Variants in CACNG5 observed in about 807,000 individuals in gnomAD.
The protein encoded by CACNG5 is voltage-dependent calcium channel gamma-5 subunit.
A neutral mutation model predicts 24.8 loss-of-function variants in CACNG5; 18 were observed. That is an observed-to-expected ratio of 0.73 (90% CI 0.50 to 1.08). The LOEUF is 1.08. Ranked by LOEUF, CACNG5 falls within the 50% of genes least tolerant of loss-of-function variation. The probability of loss-of-function intolerance (pLI) is 0.00; values close to 1 mark genes in which losing one functional copy is unlikely to be tolerated. For missense variants in CACNG5, 349 were observed against 367.9 expected (o/e 0.95, Z 0.42); for synonymous variants, 157 against 149.1 (o/e 1.05, Z -0.39).
At chr17:66,843,049 C>T (rs1194912990) in intron 1 of CACNG5, among the ~76,000 whole-genome samples, 4 of 152,224 alleles carry the variant, frequency 2.6e-5, no homozygotes, top group Admixed American at 1.3e-4. Context: ...TAATAACTCC[C>T]ACCACTTTGG....
chr17:66,862,890 C>CTGTG (rs1568067061), intron 1 of CACNG5, among the ~76,000 whole-genome samples: 5 of 85,106 alleles, frequency 5.9e-5, no homozygotes, highest in Middle Eastern at 4.5e-3. Flanking sequence ...CCAGCATATT[C>CTGTG]TCTGTGTGTG....
chr17:66,843,127 A>G (rs1424054742), intron 1 of CACNG5, among the ~76,000 whole-genome samples: 2 of 152,188 alleles, frequency 1.3e-5, no homozygotes, highest in Non-Finnish European at 2.9e-5. Flanking sequence ...ATCTTGGTTG[A>G]GGGTATTATG....
chr17:66,887,415 C>T lies in CACNG5; in HGVS notation c.*2175C>T, dbSNP rs1348281726. Among the ~76,000 whole-genome samples the T allele has an allele frequency of 1.3e-5, 2 of 152,066 alleles. No homozygotes were observed. The highest frequency in any genetic ancestry group is 2.4e-5 in the African/African-American group (1 of 41,384). On this transcript the variant is annotated 3_prime_UTR_variant, in exon 6 of 6. Coordinates refer to ENST00000533854, the MANE Select transcript of CACNG5 (RefSeq NM_145811.3). ...AACTGATAGCAACTGCAAGGCCCCC[C>T]TCCCTCTCCACTGGCACCCTTGCAA... is the stretch of plus-strand genomic sequence containing the variant.
chr17:66,877,045 G>A (rs1484758703), intron 1 of CACNG5, among the ~76,000 whole-genome samples, 185 bp from the exon 2 acceptor site: 4 of 152,198 alleles, frequency 2.6e-5, no homozygotes, highest in Non-Finnish European at 5.9e-5. Flanking sequence ...GACTCCCAGA[G>A]AGGACAAGGG....
chr17:66,871,480 C>T (rs1044314167), intron 1 of CACNG5, among the ~76,000 whole-genome samples: 2 of 152,192 alleles, frequency 1.3e-5, no homozygotes, highest in African/African-American at 4.8e-5. Flanking sequence ...TCTAACCTCA[C>T]CTACCTCTGG....
intron 1 of CACNG5, among the ~76,000 whole-genome samples, chr17:66,845,461 T>TAA (rs113767708): frequency 0.12 from 18,152 of 147,538 alleles, 1,371 homozygotes; most frequent in African/African-American, 0.2. Flanking sequence ...AAGTAAAATT[T>TAA]AAAAAAAAAA....
intron 1 of CACNG5, among the ~76,000 whole-genome samples, chr17:66,837,246 C>T (rs372181446): frequency 6.6e-6 from 1 of 152,168 alleles, no homozygotes; most frequent in East Asian, 1.9e-4. Flanking sequence ...AGCTAGGATC[C>T]CTCATGCCAT....
chr17:66,872,319 C>G (rs1401199490), intron 1 of CACNG5, among the ~76,000 whole-genome samples: 1 of 152,080 alleles, frequency 6.6e-6, no homozygotes, highest in African/African-American at 2.4e-5. Flanking sequence ...ATCAAATGAA[C>G]ATGAGATTCA....
intron 4 of CACNG5, 69 bp from the exon 5 acceptor site, chr17:66,884,447 T>C: frequency 6.6e-7 from 1 of 1,506,976 alleles, no homozygotes; most frequent in Non-Finnish European, 8.9e-7. Flanking sequence ...CAAAGGGAGG[T>C]GGGTGCCACC....
chr17:66,860,274 C>T (rs1163403580), intron 1 of CACNG5, among the ~76,000 whole-genome samples: 1 of 152,172 alleles, frequency 6.6e-6, no homozygotes, highest in African/African-American at 2.4e-5. Context: ...TTCTGTGTCC[C>T]AACCTCCTTA....
At chr17:66,869,351 T>C (rs1368129139) in intron 1 of CACNG5, among the ~76,000 whole-genome samples, 1 of 152,228 alleles carries the variant, frequency 6.6e-6, no homozygotes, top group East Asian at 1.9e-4. Context: ...CTCAAAGTTC[T>C]GGGATTACAG....
intron 1 of CACNG5, among the ~76,000 whole-genome samples, chr17:66,840,983 T>G (rs1379827143): frequency 6.6e-6 from 1 of 152,218 alleles, no homozygotes; most frequent in Non-Finnish European, 1.5e-5. Context: ...GGGCAGGCCC[T>G]GTGAACCTCA....
chr17:66,861,047 C>T (rs1170782887), intron 1 of CACNG5, among the ~76,000 whole-genome samples: 3 of 142,616 alleles, frequency 2.1e-5, no homozygotes, highest in African/African-American at 7.6e-5. Flanking sequence ...ACACACACAC[C>T]AGAAGTATAA....
chr17:66,880,247 G>A (rs919064091), intron 3 of CACNG5, among the ~76,000 whole-genome samples: 6 of 152,234 alleles, frequency 3.9e-5, no homozygotes, highest in African/African-American at 1.4e-4. Context: ...TTTGCAGGTG[G>A]TATGGACTCC....
rs966273119 is a variant in CACNG5 at position 66,893,852 on chromosome 17, G to GA, written c.*8621dup. Among the ~76,000 whole-genome samples, 7 of 150,688 alleles carry GA rather than the reference G, an allele frequency of 4.6e-5. No individual in the cohort carries two copies. Among genetic ancestry groups the GA allele is most frequent in the Admixed American group, 6.6e-5 (1 of 15,166 alleles). On this transcript the variant is annotated 3_prime_UTR_variant, in exon 6 of 6. Transcript: ENST00000533854. ...AGTTGATGGGTGTGTGGGGTGCAAA[G>GA]AAAAAAAAAGTGAAGTGAGAATAAA...
intron 1 of CACNG5, among the ~76,000 whole-genome samples, chr17:66,862,852 A>T (rs1976882312): frequency 6.7e-6 from 1 of 148,686 alleles, no homozygotes; most frequent in Non-Finnish European, 1.5e-5. Context: ...AGAGTATATG[A>T]GAGTGCTGCA....
intron 1 of CACNG5, among the ~76,000 whole-genome samples, chr17:66,863,896 T>C (rs66999396): frequency 0.15 from 22,959 of 152,220 alleles, 2,145 homozygotes; most frequent in African/African-American, 0.26. Flanking sequence ...ACATTCTAAG[T>C]GGACGATTAC....
At chr17:66,849,590 C>G (rs1976685616) in intron 1 of CACNG5, among the ~76,000 whole-genome samples, 1 of 152,192 alleles carries the variant, frequency 6.6e-6, no homozygotes, top group African/African-American at 2.4e-5. Context: ...TGGCTGAACA[C>G]AGGTGGGGGA....
intron 1 of CACNG5, among the ~76,000 whole-genome samples, chr17:66,862,896 G>C (rs3848409): frequency 0.3 from 19,492 of 65,866 alleles, 2,118 homozygotes; most frequent in African/African-American, 0.43. Context: ...TATTCTCTGT[G>C]TGTGTGTGTG....
Sources: gnomAD v4.1 joint callset for allele counts (sites outside exome capture counted in the v4.1 genomes callset) on GRCh38, gnomAD v4.1.1 for gene constraint, MANE v1.5 for transcripts, NCBI Gene and HGNC (gene_info 2026-07-23, HGNC 2026-07-21) for gene names.